The following SNX8 variants were observed in gnomAD, a reference collection of about 807,000 sequenced individuals.
The protein encoded by SNX8 is sorting nexin 8, also known as sorting nexin-8.
A neutral mutation model predicts 51.6 loss-of-function variants in SNX8; 25 were observed. The ratio of observed to expected loss-of-function variants is 0.48; its 90% CI spans 0.35 to 0.68. The LOEUF is 0.68. Ranked by LOEUF, SNX8 falls within the 30% of genes least tolerant of loss-of-function variation. SNX8 has a pLI of 0.00. For synonymous variants in SNX8, 324 were observed against 277.0 expected (o/e 1.17, Z -1.68); for missense variants, 695 against 624.0 (o/e 1.11, Z -1.21).
At chr7:2,275,774 G>A (rs928986815) in intron 2 of SNX8, among the ~76,000 whole-genome samples, 2 of 151,828 alleles carry the variant, frequency 1.3e-5, no homozygotes, top group African/African-American at 2.4e-5. Context: ...CGAGACAGGC[G>A]GATCATGAGG....
At chr7:2,256,610 A>G (rs557720237) in intron 10 of SNX8, among the ~76,000 whole-genome samples, 57 of 152,170 alleles carry the variant, frequency 3.7e-4, no homozygotes, top group Non-Finnish European at 7.5e-4. Context: ...CGACTTCTCA[A>G]ATCCCTCCAG....
intron 5 of SNX8, among the ~76,000 whole-genome samples, chr7:2,265,094 C>G: frequency 6.6e-6 from 1 of 152,144 alleles, no homozygotes. Flanking sequence ...GTGGCTCACG[C>G]CTGTAATCCC....
intron 1 of SNX8, among the ~76,000 whole-genome samples, chr7:2,308,313 A>G (rs1796590610): frequency 1.3e-5 from 2 of 152,118 alleles, no homozygotes; most frequent in Admixed American, 1.3e-4. Flanking sequence ...AAAACTATAT[A>G]AACAAAATAA....
intron 1 of SNX8, among the ~76,000 whole-genome samples, chr7:2,346,737 C>CA (rs143462126): frequency 0.57 from 25,668 of 45,008 alleles, 8,423 homozygotes; most frequent in East Asian, 0.75. Context: ...GACTCCGTCT[C>CA]AAAAAAAAAA....
At chr7:2,334,969 A>G (rs1425524096) in intron 1 of SNX8, among the ~76,000 whole-genome samples, 1 of 149,978 alleles carries the variant, frequency 6.7e-6, no homozygotes, top group East Asian at 2.0e-4. Context: ...GCCAAGGTGG[A>G]TGGATGACCT....
At chr7:2,311,471 C>T (rs1415763466) in intron 1 of SNX8, among the ~76,000 whole-genome samples, 1 of 152,200 alleles carries the variant, frequency 6.6e-6, no homozygotes, top group African/African-American at 2.4e-5. Flanking sequence ...GATCCTCCCT[C>T]CTCAGCCTCC....
chr7:2,260,053 G>A (rs1365444199), intron 7 of SNX8, among the ~76,000 whole-genome samples: 10 of 151,906 alleles, frequency 6.6e-5, no homozygotes. Context: ...AGGAAGGTAG[G>A]TAGGTCTGTG....
intron 1 of SNX8, among the ~76,000 whole-genome samples, chr7:2,334,159 T>C (rs1478416765): frequency 6.6e-6 from 1 of 152,122 alleles, no homozygotes; most frequent in Non-Finnish European, 1.5e-5. Flanking sequence ...CTCATGCCTG[T>C]AATCCCAGCT....
At chr7:2,317,878 A>C (rs1796781336), upstream of SNX8, among the ~76,000 whole-genome samples, 1 of 152,190 alleles carries the variant, frequency 6.6e-6, no homozygotes, top group Middle Eastern at 3.4e-3. Context: ...TGGACATATA[A>C]CAACTTTCCC....
chr7:2,322,052 T>C (rs1778528769), intron 1 of SNX8, among the ~76,000 whole-genome samples: 1 of 152,184 alleles, frequency 6.6e-6, no homozygotes. Flanking sequence ...AACATTTTGC[T>C]TAGTAGCAAG....
intron 7 of SNX8, among the ~76,000 whole-genome samples, chr7:2,259,076 C>G (rs1584665986): frequency 1.3e-5 from 2 of 152,352 alleles, no homozygotes; most frequent in South Asian, 4.1e-4. Context: ...TCAGAGGCAT[C>G]TGCGGTATGA....
chr7:2,279,509 G>T (rs1795862391), intron 1 of SNX8, among the ~76,000 whole-genome samples: 1 of 152,126 alleles, frequency 6.6e-6, no homozygotes, highest in African/African-American at 2.4e-5. Context: ...CCTGGGACTT[G>T]GGGAGACCGA....
At chr7:2,339,279 C>T (rs1310116574) in intron 1 of SNX8, among the ~76,000 whole-genome samples, 1 of 152,054 alleles carries the variant, frequency 6.6e-6, no homozygotes. Context: ...GATCTCGGCT[C>T]ACTGCAACCT....
chr7:2,321,173 A>C (rs1307202162), intron 1 of SNX8, among the ~76,000 whole-genome samples: 1 of 152,200 alleles, frequency 6.6e-6, no homozygotes, highest in Non-Finnish European at 1.5e-5. Flanking sequence ...TCACACACGC[A>C]GAATAAAGCC....
upstream of SNX8, chr7:2,354,350 C>A (rs1422173781): frequency 6.6e-6 from 1 of 152,224 alleles, no homozygotes; most frequent in Non-Finnish European, 1.5e-5. Flanking sequence ...AAGTGACAGA[C>A]ACGGACAGGG....
chr7:2,347,580 G>A (rs1206577075), intron 1 of SNX8, among the ~76,000 whole-genome samples: 2 of 150,274 alleles, frequency 1.3e-5, no homozygotes, highest in Non-Finnish European at 3.0e-5. Flanking sequence ...AACGAGACAG[G>A]GAAGTTCAGA....
chr7:2,302,545 G>A lies in SNX8; in HGVS notation c.94+11783C>T, dbSNP rs1346903742. On this transcript the variant is annotated intron_variant, in intron 1 of 10. Coordinates refer to ENST00000222990, the MANE Select transcript of SNX8 (RefSeq NM_013321.4). ...CCACCCCGTCTGGGAAGTGAGGAGC[G>A]TCTCTGCCTGGCCGCCCATCGTCTG... is the stretch of plus-strand genomic sequence containing the variant. Among the ~76,000 whole-genome samples the A allele has an allele frequency of 5.3e-5, 8 of 152,004 alleles. No individual in the cohort carries two copies. The South Asian group carries it at 6.2e-4, about 12-fold the overall frequency.
intron 1 of SNX8, among the ~76,000 whole-genome samples, chr7:2,286,454 T>C (rs1442717371): frequency 6.6e-6 from 1 of 152,128 alleles, no homozygotes; most frequent in African/African-American, 2.4e-5. Flanking sequence ...TGTACACATC[T>C]ATATTCATTT....
At chr7:2,269,724 G>C in intron 4 of SNX8, 85 bp from the exon 5 acceptor site, 1 of 806,878 alleles carries the variant, frequency 1.2e-6, no homozygotes, top group Admixed American at 2.5e-5. Flanking sequence ...TGGAGCGGGA[G>C]GTCGTCTTTC....
Sources: allele counts gnomAD v4.1 joint callset (sites outside exome capture counted in the v4.1 genomes callset), GRCh38; gene constraint gnomAD v4.1.1; transcripts MANE v1.5; gene names NCBI Gene and HGNC (gene_info 2026-07-23, HGNC 2026-07-21).